Variants in TP63 observed in about 807,000 individuals in gnomAD.
TP63 encodes tumor protein 63.
A neutral mutation model predicts 82.8 loss-of-function variants in TP63; 17 were observed. The observed-to-expected ratio is 0.21, with a 90% CI of 0.14 to 0.31. TP63 has a LOEUF of 0.31. Ranked by LOEUF, TP63 falls within the 10% of genes least tolerant of loss-of-function variation. The pLI is 1.00. For synonymous variants in TP63, 330 were observed against 321.7 expected, an observed-to-expected ratio of 1.03 and a Z score of -0.28; for missense variants, 648 against 895.3, an observed-to-expected ratio of 0.72 and a Z score of 3.52.
chr3:189,653,068 A>G (rs1380507802), intron 1 of TP63, among the ~76,000 whole-genome samples: 1 of 120,064 alleles, frequency 8.3e-6, no homozygotes, highest in Non-Finnish European at 1.7e-5. Context: ...AGGACAGAAA[A>G]TTAGGTCCAG....
chr3:189,697,800 T>C (rs1025497810), intron 1 of TP63, among the ~76,000 whole-genome samples: 3 of 151,926 alleles, frequency 2.0e-5, no homozygotes, highest in African/African-American at 7.2e-5. Flanking sequence ...ATTTCTCTTT[T>C]TTCAGTTCTG....
chr3:189,606,192 C>T, the TP63 span, among the ~76,000 whole-genome samples: 1 of 152,148 alleles, frequency 6.6e-6, no homozygotes, highest in Non-Finnish European at 1.5e-5. Flanking sequence ...TTGATCCAAA[C>T]ACCTCAAGAT....
At position 189,643,455 on chromosome 3, in the gene TP63, TA is replaced by T. The variant is rs71635306; in HGVS notation, c.62+11890del. Reference sequence around the variant, plus strand: ...TTCAAAAGCTATCCTTTAAACTGATTAAAAAAAAAAAACCCTCAATGCTTTT... The same window carrying T: ...TTCAAAAGCTATCCTTTAAACTGATTAAAAAAAAAAACCCTCAATGCTTTT... On this transcript the variant is annotated intron_variant, in intron 1 of 13. Coordinates refer to ENST00000264731, the MANE Select transcript of TP63 (RefSeq NM_003722.5). 2.8e-3 allele frequency among the ~76,000 whole-genome samples: 347 copies of T among 122,964 alleles called. 5 individuals are homozygous for T. The highest frequency in any genetic ancestry group is 8.3e-3 in the East Asian group (41 of 4,950). 80.7% of individuals were successfully genotyped at this position (122,964 alleles called of 152,430 possible). A position where few individuals can be genotyped will look rare whatever the true frequency, so the allele number is the denominator to read the frequency against.
At chr3:189,827,059 A>G (rs774976847) in intron 4 of TP63, among the ~76,000 whole-genome samples, 1 of 152,242 alleles carries the variant, frequency 6.6e-6, no homozygotes, top group Non-Finnish European at 1.5e-5. Flanking sequence ...TATGAAGCCC[A>G]TAATATAGTT....
rs529796399 is a variant in TP63, at chr3:189,645,700, C to T, written c.62+14123C>T. On this transcript the variant is annotated intron_variant, in intron 1 of 13. Transcript: ENST00000264731. ...GCTCCAGTGTGTGATGTTCCCTGCC[C>T]TGTGTCCATGTGTTCTCATTGTTCA... Among the ~76,000 whole-genome samples, 399 of 140,912 alleles carry T rather than the reference C, an allele frequency of 2.8e-3. 47 individuals are homozygous for T. The highest frequency in any genetic ancestry group is 0.01 in the African/African-American group (382 of 36,998). 92.4% of individuals were successfully genotyped at this position (140,912 alleles called of 152,430 possible).
At chr3:189,652,162 G>C (rs991118378) in intron 1 of TP63, among the ~76,000 whole-genome samples, 7 of 146,418 alleles carry the variant, frequency 4.8e-5, no homozygotes, top group African/African-American at 1.8e-4. Context: ...CTTACAGCTT[G>C]CATAGTGCAC....
chr3:189,771,019 C>T (rs1723299377), intron 3 of TP63, among the ~76,000 whole-genome samples: 1 of 151,912 alleles, frequency 6.6e-6, no homozygotes, highest in Admixed American at 6.6e-5. Context: ...TATCTACTAC[C>T]ATTCTAAGTG....
intron 3 of TP63, among the ~76,000 whole-genome samples, chr3:189,775,348 C>T (rs917676219): frequency 5.9e-5 from 9 of 152,028 alleles, no homozygotes; most frequent in African/African-American, 2.2e-4. Context: ...ACTCATTCTG[C>T]CTCAAGTCAG....
At chr3:189,745,417 G>T in intron 3 of TP63, among the ~76,000 whole-genome samples, 1 of 152,036 alleles carries the variant, frequency 6.6e-6, no homozygotes, top group East Asian at 1.9e-4. Flanking sequence ...ATCATTAATA[G>T]AACCAAACAG....
At chr3:189,752,674 G>A (rs547744643) in intron 3 of TP63, among the ~76,000 whole-genome samples, 10 of 151,368 alleles carry the variant, frequency 6.6e-5, no homozygotes, top group African/African-American at 1.9e-4. Flanking sequence ...GATTATTTCC[G>A]GCCTTATTTG....
intron 10 of TP63, among the ~76,000 whole-genome samples, chr3:189,875,614 A>ATATATG (rs1560289395): frequency 2.8e-5 from 3 of 106,696 alleles, no homozygotes; most frequent in South Asian, 3.0e-4. Context: ...ATATATATAT[A>ATATATG]TATATATATA....
chr3:189,697,491 A>AT (rs1230318748), intron 1 of TP63, among the ~76,000 whole-genome samples: 13 of 151,546 alleles, frequency 8.6e-5, no homozygotes, highest in African/African-American at 3.1e-4. Flanking sequence ...GAATCCTCCA[A>AT]TTTTTTTCTT....
At chr3:189,628,846 G>T (rs1257264260), upstream of TP63, among the ~76,000 whole-genome samples, 1 of 152,074 alleles carries the variant, frequency 6.6e-6, no homozygotes, top group Non-Finnish European at 1.5e-5. Context: ...CATGCTACTG[G>T]TGTTCTGTTG....
At chr3:189,811,625 C>T (rs966981044) in intron 4 of TP63, among the ~76,000 whole-genome samples, 1 of 152,214 alleles carries the variant, frequency 6.6e-6, no homozygotes, top group South Asian at 2.1e-4. Context: ...CATGTTTATA[C>T]ACAGACTTCC....
the TP63 span, among the ~76,000 whole-genome samples, chr3:189,597,922 C>T: frequency 8.8e-6 from 1 of 113,454 alleles, no homozygotes; most frequent in Admixed American, 1.0e-4. Flanking sequence ...GAGTGAGACC[C>T]TGCCTCAAAA....
chr3:189,779,260 C>G (rs925216310), intron 3 of TP63, among the ~76,000 whole-genome samples: 8 of 152,186 alleles, frequency 5.3e-5, no homozygotes, highest in Admixed American at 5.2e-4. Context: ...ACAAAATCGT[C>G]TAGTTCATGA....
chr3:189,789,936 A>G, intron 3 of TP63: 1 of 1,259,620 alleles, frequency 7.9e-7, no homozygotes, highest in Non-Finnish European at 1.0e-6. Flanking sequence ...TCGGTCACCC[A>G]ATGTAATGTT....
chr3:189,780,679 T>C (rs1271817098), intron 3 of TP63, among the ~76,000 whole-genome samples: 3 of 152,128 alleles, frequency 2.0e-5, no homozygotes, highest in African/African-American at 7.2e-5. Context: ...AGACAGGTGC[T>C]TTTTCTCCCA....
chr3:189,796,560 A>T (rs1725728761), intron 3 of TP63, among the ~76,000 whole-genome samples: 1 of 151,944 alleles, frequency 6.6e-6, no homozygotes, highest in Non-Finnish European at 1.5e-5. Flanking sequence ...TTACCAACCT[A>T]ATCCTCCACT....
Sources: allele counts gnomAD v4.1 joint callset (sites outside exome capture counted in the v4.1 genomes callset), GRCh38; gene constraint gnomAD v4.1.1; transcripts MANE v1.5; gene names NCBI Gene and HGNC (gene_info 2026-07-23, HGNC 2026-07-21).